Variants in CCDC12 observed in about 807,000 individuals in gnomAD.
CCDC12 encodes coiled-coil domain containing 12, also known as coiled-coil domain-containing protein 12.
Under a neutral mutation model 25.7 loss-of-function variants are expected in CCDC12, and 28 were observed. That is an observed-to-expected ratio of 1.09 (90% CI 0.81 to 1.50). The LOEUF is 1.50. Ranked by LOEUF, CCDC12 falls within the 40% of genes most tolerant of loss-of-function variation. CCDC12 has a pLI of 0.00. For missense variants in CCDC12, 198 were observed against 210.0 expected, an observed-to-expected ratio of 0.94 and a Z score of 0.35; for synonymous variants, 75 against 87.7, an observed-to-expected ratio of 0.86 and a Z score of 0.81.
chr3:46,941,182 C>G (rs1394459708), intron 1 of CCDC12, 117 bp from the exon 2 acceptor site: 2 of 916,130 alleles, frequency 2.2e-6, no homozygotes, highest in Admixed American at 1.7e-5. Context: ...CAGGGCCCAG[C>G]TTGGTGTCCC....
chr3:46,925,332 G>T (rs779409171), intron 3 of CCDC12, 124 bp downstream of exon 3: 2 of 805,910 alleles, frequency 2.5e-6, no homozygotes, highest in Non-Finnish European at 4.3e-6. Flanking sequence ...GTAACAAAGG[G>T]TCCTGCCTGC....
At chr3:46,963,007 A>G (rs2107183162) in intron 1 of CCDC12, among the ~76,000 whole-genome samples, 1 of 152,358 alleles carries the variant, frequency 6.6e-6, no homozygotes, top group Admixed American at 6.5e-5. Flanking sequence ...CTATACAGAA[A>G]TAAGAATGCA....
At chr3:46,923,214 T>G (rs927241907) in intron 5 of CCDC12, 115 bp downstream of exon 5, 2 of 1,079,276 alleles carry the variant, frequency 1.9e-6, no homozygotes, top group Non-Finnish European at 1.2e-6. Flanking sequence ...TGTAACTCTA[T>G]GTCTGTACTG....
upstream of CCDC12, among the ~76,000 whole-genome samples, chr3:46,981,502 T>C (rs1443866582): frequency 6.6e-6 from 1 of 152,172 alleles, no homozygotes; most frequent in African/African-American, 2.4e-5. Context: ...TCCTGGACTC[T>C]GTGGAGAGGT....
At chr3:46,959,447 GTGA>G (rs1193891924) in intron 1 of CCDC12, among the ~76,000 whole-genome samples, 1 of 152,332 alleles carries the variant, frequency 6.6e-6, no homozygotes, top group East Asian at 1.9e-4. Flanking sequence ...GCCAACCACA[GTGA>G]TGATGATGGT....
intron 3 of CCDC12, chr3:46,924,994 C>A: frequency 3.0e-6 from 1 of 337,698 alleles, no homozygotes; most frequent in Non-Finnish European, 5.9e-6. Flanking sequence ...TCTAGGCAAG[C>A]CCTGGGCCAG....
chr3:46,962,932 A>G (rs1410142815), intron 1 of CCDC12, among the ~76,000 whole-genome samples: 1 of 152,212 alleles, frequency 6.6e-6, no homozygotes, highest in African/African-American at 2.4e-5. Context: ...CACAATCCAT[A>G]ATAGTTCCAG....
Position 46,921,941 on chromosome 3 carries a change from G to T in CCDC12, c.*116C>A. 1 of 1,074,544 alleles carries T rather than the reference G, an allele frequency of 9.3e-7. No individual in the cohort carries two copies. Among genetic ancestry groups the T allele is most frequent in the Non-Finnish European group, 1.4e-6 (1 of 725,738 alleles). 66.6% of individuals were successfully genotyped at this position (1,074,544 alleles called of 1,614,324 possible). On this transcript the variant is annotated 3_prime_UTR_variant, in exon 7 of 7. Transcript: ENST00000683445. Reference sequence around the variant, plus strand: ...ATGGGGGTTTCAGACTTGATGGGCAGGGAGTCTCTGCTCAGAAGCCAAACT... The same window carrying T: ...ATGGGGGTTTCAGACTTGATGGGCATGGAGTCTCTGCTCAGAAGCCAAACT...
At chr3:46,973,806 T>A (rs1411633757) in intron 1 of CCDC12, among the ~76,000 whole-genome samples, 2 of 151,852 alleles carry the variant, frequency 1.3e-5, no homozygotes, top group Non-Finnish European at 2.9e-5. Flanking sequence ...TAGAGACAGG[T>A]TTTCACTGTG....
intron 1 of CCDC12, among the ~76,000 whole-genome samples, chr3:46,960,819 A>G (rs911726283): frequency 2.0e-5 from 3 of 152,244 alleles, no homozygotes; most frequent in Non-Finnish European, 4.4e-5. Flanking sequence ...AGTCCGTCTC[A>G]GCTGCTGAAG....
At chr3:46,930,632 C>G (rs771888616) in intron 2 of CCDC12, among the ~76,000 whole-genome samples, 6 of 152,210 alleles carry the variant, frequency 3.9e-5, no homozygotes, top group Admixed American at 6.5e-5. Context: ...CTCCACTGGC[C>G]CTCCCTCTGA....
upstream of CCDC12, chr3:46,979,668 T>G: frequency 1.6e-5 from 5 of 310,142 alleles, no homozygotes; most frequent in Non-Finnish European, 2.4e-5. Context: ...CGGCCGGCAG[T>G]GAGGAGGAGG....
intron 1 of CCDC12, among the ~76,000 whole-genome samples, chr3:46,957,391 G>C (rs147496466): frequency 1.2e-3 from 190 of 152,232 alleles, no homozygotes; most frequent in Middle Eastern, 0.01. Flanking sequence ...TACCTCTAAG[G>C]CTGGCTCTCT....
chr3:46,934,721 AT>A (rs1165737886), intron 2 of CCDC12, among the ~76,000 whole-genome samples: 3 of 152,150 alleles, frequency 2.0e-5, no homozygotes, highest in Non-Finnish European at 4.4e-5. Flanking sequence ...TCCCAGGCCT[AT>A]TCCCAAGAAA....
intron 4 of CCDC12, 64 bp downstream of exon 4, chr3:46,923,543 A>C (rs1169789665): frequency 6.5e-7 from 1 of 1,536,132 alleles, no homozygotes; most frequent in Non-Finnish European, 8.9e-7. Flanking sequence ...GAGGGAGAGC[A>C]AGTGGCGAAG....
intron 5 of CCDC12, chr3:46,922,659 C>A: frequency 2.7e-6 from 1 of 369,618 alleles, no homozygotes; most frequent in Non-Finnish European, 5.0e-6. Flanking sequence ...CCCTGCTCCT[C>A]CTCCAGCCAC....
At chr3:46,963,640 T>A (rs563862929) in intron 1 of CCDC12, among the ~76,000 whole-genome samples, 1 of 152,380 alleles carries the variant, frequency 6.6e-6, no homozygotes, top group African/African-American at 2.4e-5. Context: ...ATTTTTTTGG[T>A]GGAGACCGGG....
At chr3:46,979,882 G>T (rs2035184756), upstream of CCDC12, 1 of 470,266 alleles carries the variant, frequency 2.1e-6, no homozygotes. Context: ...CGGAGCGGCT[G>T]TACGAGTTGT....
In CCDC12 at chr3:46,923,596, C is replaced by T; in HGVS notation, c.306+11G>A. ...AAGCAGCGAGGATGCCAGGGTGGTC[C>T]AGGCACTCACCACCTCCTCGATGAC... On this transcript the variant is annotated intron_variant, in intron 4 of 6. Coordinates refer to ENST00000683445, the MANE Select transcript of CCDC12 (RefSeq NM_001277074.2). 1 of 1,604,726 alleles carries T rather than the reference C, an allele frequency of 6.2e-7. No homozygotes were observed. Among genetic ancestry groups the T allele is most frequent in the Non-Finnish European group, 8.5e-7 (1 of 1,175,742 alleles).
Sources: allele counts gnomAD v4.1 joint callset (sites outside exome capture counted in the v4.1 genomes callset), GRCh38; gene constraint gnomAD v4.1.1; transcripts MANE v1.5; gene names NCBI Gene and HGNC (gene_info 2026-07-23, HGNC 2026-07-21).